LRFN5: variants seen among roughly 807,000 people sequenced by gnomAD.
LRFN5 encodes leucine rich repeat and fibronectin type III domain containing 5.
A neutral mutation model predicts 45.6 loss-of-function variants in LRFN5; 24 were observed. That is an observed-to-expected ratio of 0.53 (90% CI 0.38 to 0.74). The LOEUF (loss-of-function observed/expected upper bound fraction) is 0.74. LRFN5 is among the 30% of genes least tolerant of loss of function. The pLI, the probability that LRFN5 is intolerant of heterozygous loss-of-function variation, is 0.00. For missense variants in LRFN5, 776 were observed against 861.5 expected (o/e 0.90, Z 1.24); for synonymous variants, 340 against 313.8 (o/e 1.08, Z -0.88).
At chr14:41,615,752 C>T (rs542413605) in intron 1 of LRFN5, among the ~76,000 whole-genome samples, 97 of 152,114 alleles carry the variant, frequency 6.4e-4, no homozygotes, top group Middle Eastern at 3.4e-3. Flanking sequence ...ACAAGGCATT[C>T]GGGTTCTTAA....
rs545359323 is a variant in LRFN5, at chr14:41,633,243, C to T, written c.-197+24681C>T. Among the ~76,000 whole-genome samples, 555 of 151,960 alleles carry T rather than the reference C, an allele frequency of 3.7e-3. 4 individuals are homozygous for T. The highest frequency in any genetic ancestry group is 6.3e-3 in the Non-Finnish European group (427 of 67,942). ...AGCAGATAAGAAAAAATATATAGTACTATAATATATATAAACAAATAGCTG... is the reference window on the plus strand; with the variant it reads ...AGCAGATAAGAAAAAATATATAGTATTATAATATATATAAACAAATAGCTG... On this transcript the variant is annotated intron_variant, in intron 1 of 5. Coordinates refer to ENST00000298119, the MANE Select transcript of LRFN5 (RefSeq NM_152447.5).
At chr14:41,900,473 ACTTT>A (rs1891069580) in intron 5 of LRFN5, among the ~76,000 whole-genome samples, 4 of 152,108 alleles carry the variant, frequency 2.6e-5, no homozygotes, top group Non-Finnish European at 5.9e-5. Context: ...TTGAATAATA[ACTTT>A]TTATCTTAAA....
At chr14:41,893,927 G>A (rs1036050593) in intron 4 of LRFN5, 39 of 985,058 alleles carry the variant, frequency 4.0e-5, no homozygotes, top group Admixed American at 6.2e-5. Flanking sequence ...CGTAGTTTGC[G>A]AAATCAAAAG....
chr14:41,714,258 A>G (rs1883397786), intron 1 of LRFN5, among the ~76,000 whole-genome samples: 1 of 152,138 alleles, frequency 6.6e-6, no homozygotes, highest in Non-Finnish European at 1.5e-5. Context: ...ATTTAGAGGG[A>G]TACTTCTTTC....
In LRFN5 at chr14:41,826,973, T is replaced by C. The variant is rs116887416; in HGVS notation, c.-20-59633T>C. 2.5e-3 allele frequency among the ~76,000 whole-genome samples: 145 copies of C among 57,952 alleles called. 2 individuals carry two copies. The East Asian group carries it at 0.043, about 17-fold the overall frequency. The allele number at this position is 57,952 out of a possible 152,430, so 38.0% of individuals were successfully genotyped here. A position where few individuals can be genotyped will look rare whatever the true frequency, so the allele number is the denominator to read the frequency against. Reference sequence around the variant, plus strand: ...AAATAAGTAATTATTTTGATTCACATTGAGTAAAACAGATCAAAACAATCC... The same window carrying C: ...AAATAAGTAATTATTTTGATTCACACTGAGTAAAACAGATCAAAACAATCC... On this transcript the variant is annotated intron_variant, in intron 2 of 5. Coordinates refer to ENST00000298119, the MANE Select transcript of LRFN5 (RefSeq NM_152447.5).
At chr14:41,766,041 G>C (rs1195051412) in intron 1 of LRFN5, among the ~76,000 whole-genome samples, 2 of 151,876 alleles carry the variant, frequency 1.3e-5, no homozygotes, top group Non-Finnish European at 2.9e-5. Context: ...ATTATGCTTT[G>C]GAATTTCATT....
rs546885495 is a variant in LRFN5 at position 41,795,786 on chromosome 14, G to A, written c.-21+28757G>A. Among the ~76,000 whole-genome samples the A allele has an allele frequency of 2.2e-3, 329 of 152,020 alleles. 1 individual carries two copies. Among genetic ancestry groups the A allele is most frequent in the African/African-American group, 7.3e-3 (302 of 41,494 alleles). On this transcript the variant is annotated intron_variant, in intron 2 of 5. Transcript: ENST00000298119. The stretch of plus-strand genomic sequence containing the variant: ...CACCAGGGCCTGTCGTAGGTTGGGG[G>A]GAGGGGGGAGGAATAGCATTAGAAG...
In LRFN5 at chr14:41,721,203, T is replaced by G. The variant is rs144099831; in HGVS notation, c.-196-45651T>G. 4.5e-3 allele frequency among the ~76,000 whole-genome samples: 689 copies of G among 152,140 alleles called. 5 individuals are homozygous for G. Among genetic ancestry groups the G allele is most frequent in the African/African-American group, 0.016 (659 of 41,532 alleles). On this transcript the variant is annotated intron_variant, in intron 1 of 5. Coordinates refer to ENST00000298119, the MANE Select transcript of LRFN5 (RefSeq NM_152447.5). ...TATCTGATCTAAGAATAGCAACTCCTTTTTTTTCCATTTGAGTGACAGATC... is the reference window on the plus strand; with the variant it reads ...TATCTGATCTAAGAATAGCAACTCCGTTTTTTTCCATTTGAGTGACAGATC...
intron 2 of LRFN5, among the ~76,000 whole-genome samples, chr14:41,806,673 A>G (rs144840906): frequency 6.6e-5 from 10 of 152,258 alleles, no homozygotes; most frequent in Non-Finnish European, 1.2e-4. Flanking sequence ...TTGGCTATGG[A>G]TTAGGACTGG....
intron 3 of LRFN5, among the ~76,000 whole-genome samples, chr14:41,889,839 A>G (rs1890713481): frequency 6.6e-6 from 1 of 152,162 alleles, no homozygotes; most frequent in Non-Finnish European, 1.5e-5. Context: ...TTTAGAATGT[A>G]GTAGATTCAG....
At chr14:41,819,960 T>TTTG (rs1555322874) in intron 2 of LRFN5, among the ~76,000 whole-genome samples, 1 of 9,974 alleles carries the variant, frequency 1.0e-4, no homozygotes, top group Non-Finnish European at 1.8e-4. Context: ...GGGTTATTTG[T>TTTG]TTTTTTTTTT....
intron 2 of LRFN5, among the ~76,000 whole-genome samples, chr14:41,838,156 G>C (rs1888728543): frequency 6.6e-6 from 1 of 152,136 alleles, no homozygotes; most frequent in Admixed American, 6.5e-5. Flanking sequence ...TATGCACTAT[G>C]TTATTCTATT....
intron 1 of LRFN5, among the ~76,000 whole-genome samples, chr14:41,705,126 A>G (rs1451375746): frequency 6.6e-6 from 1 of 152,138 alleles, no homozygotes; most frequent in Admixed American, 6.6e-5. Flanking sequence ...AATTTTTCAT[A>G]TAAATTAACT....
chr14:41,682,441 A>T (rs1259856684), intron 1 of LRFN5, among the ~76,000 whole-genome samples: 1 of 152,056 alleles, frequency 6.6e-6, no homozygotes, highest in Non-Finnish European at 1.5e-5. Context: ...AAGCAAAGCA[A>T]AGCCAAAATT....
intron 1 of LRFN5, among the ~76,000 whole-genome samples, chr14:41,687,735 G>C (rs142899165): frequency 5.9e-5 from 9 of 152,180 alleles, no homozygotes; most frequent in African/African-American, 2.2e-4. Context: ...ACTAACAAAG[G>C]AACAGAAAAC....
chr14:41,745,443 T>C (rs1452982750), intron 1 of LRFN5, among the ~76,000 whole-genome samples: 1 of 151,998 alleles, frequency 6.6e-6, no homozygotes, highest in Non-Finnish European at 1.5e-5. Flanking sequence ...AAGCTCTTCA[T>C]TGAACAACCC....
At chr14:41,866,902 C>A (rs1168403868) in intron 2 of LRFN5, among the ~76,000 whole-genome samples, 3 of 152,020 alleles carry the variant, frequency 2.0e-5, no homozygotes, top group African/African-American at 7.2e-5. Context: ...AGAATATGAC[C>A]TAGATTATAT....
intron 1 of LRFN5, among the ~76,000 whole-genome samples, chr14:41,634,639 T>G (rs1385022799): frequency 6.6e-6 from 1 of 152,172 alleles, no homozygotes; most frequent in Non-Finnish European, 1.5e-5. Context: ...CAGGGCTTGG[T>G]TAACTATAAT....
At chr14:41,663,401 C>T (rs1183845502) in intron 1 of LRFN5, among the ~76,000 whole-genome samples, 1 of 151,992 alleles carries the variant, frequency 6.6e-6, no homozygotes, top group African/African-American at 2.4e-5. Flanking sequence ...ATAGAAAGAG[C>T]CTCACAGGAC....
Sources: gnomAD v4.1 joint callset for allele counts (sites outside exome capture counted in the v4.1 genomes callset) on GRCh38, gnomAD v4.1.1 for gene constraint, MANE v1.5 for transcripts, NCBI Gene and HGNC (gene_info 2026-07-23, HGNC 2026-07-21) for gene names.